Variants in ASTN2 observed in about 807,000 individuals in gnomAD.
ASTN2 encodes astrotactin 2, also known as astrotactin-2.
Under a neutral mutation model 139.8 loss-of-function variants are expected in ASTN2, and 54 were observed. The ratio of observed to expected loss-of-function variants is 0.39; its 90% CI spans 0.31 to 0.48. ASTN2 has a LOEUF of 0.48. Ranked by LOEUF, ASTN2 falls within the 20% of genes least tolerant of loss-of-function variation. The pLI is 0.95. For missense variants in ASTN2, 1,565 were observed against 1,725.1 expected (o/e 0.91, Z 1.64); for synonymous variants, 756 against 719.5 (o/e 1.05, Z -0.81).
At chr9:116,738,052 C>T (rs916278587) in intron 13 of ASTN2, among the ~76,000 whole-genome samples, 2 of 151,272 alleles carry the variant, frequency 1.3e-5, no homozygotes, top group African/African-American at 2.4e-5. Context: ...ATTAGCCGGG[C>T]GTGGTAGCGG....
chr9:117,143,385 G>A (rs570551765), intron 3 of ASTN2, among the ~76,000 whole-genome samples: 6 of 152,242 alleles, frequency 3.9e-5, no homozygotes, highest in East Asian at 3.9e-4. Flanking sequence ...TTTTGATTCC[G>A]TAAACCCAGA....
chr9:116,808,277 T>TTGTGTGTGTG (rs10553571), intron 12 of ASTN2, among the ~76,000 whole-genome samples: 148 of 149,680 alleles, frequency 9.9e-4, no homozygotes, highest in Non-Finnish European at 1.7e-3. Context: ...TAAATACATA[T>TTGTGTGTGTG]TGTGTGTGTG....
chr9:117,335,268 T>C (rs1055811159), intron 1 of ASTN2, among the ~76,000 whole-genome samples: 2 of 152,146 alleles, frequency 1.3e-5, no homozygotes, highest in Admixed American at 6.5e-5. Context: ...GCCTGGAACA[T>C]AGTACACATG....
In ASTN2 at chr9:117,269,232, T is replaced by C. The variant is rs10983594; in HGVS notation, c.630+22094A>G. 4.1e-3 allele frequency among the ~76,000 whole-genome samples: 618 copies of C among 152,250 alleles called. 2 individuals are homozygous for C. Among genetic ancestry groups the C allele is most frequent in the Middle Eastern group, 0.01 (3 of 294 alleles). On this transcript the variant is annotated intron_variant, in intron 2 of 22. Transcript: ENST00000313400. ...CTAGACCACGGAGTGTGGCATGGGG[T>C]GTAATGTATTCACAGTAGCTATGCT...
At chr9:117,033,878 G>A (rs989426223) in intron 6 of ASTN2, among the ~76,000 whole-genome samples, 1 of 152,162 alleles carries the variant, frequency 6.6e-6, no homozygotes, top group Non-Finnish European at 1.5e-5. Context: ...GAAGAACCCT[G>A]TGTAAAGTGC....
chr9:117,306,105 G>C (rs1214554811), intron 1 of ASTN2, among the ~76,000 whole-genome samples: 1 of 152,142 alleles, frequency 6.6e-6, no homozygotes, highest in African/African-American at 2.4e-5. Context: ...AATATCCTCA[G>C]GGTGTCGGAC....
At chr9:117,349,347 T>C (rs1426141047) in intron 1 of ASTN2, among the ~76,000 whole-genome samples, 1 of 152,170 alleles carries the variant, frequency 6.6e-6, no homozygotes, top group East Asian at 1.9e-4. Context: ...TGTGCATGGC[T>C]TGCCTCCCTA....
In ASTN2 at chr9:117,072,447, A is replaced by G. The variant is rs547734611; in HGVS notation, c.1276+23597T>C. On this transcript the variant is annotated intron_variant, in intron 5 of 22. Transcript: ENST00000313400. ...TCAATTTGCAAGTGTTTTGGATGCG[A>G]ACATCTTGCAGTCTGGCACTAGTTA... Among the ~76,000 whole-genome samples the G allele has an allele frequency of 1.2e-4, 18 of 152,356 alleles. No homozygotes were observed. In the South Asian group the frequency reaches 3.5e-3, roughly 30 times the overall value.
intron 16 of ASTN2, chr9:116,700,723 C>T (rs1249665572): frequency 6.0e-6 from 1 of 166,932 alleles, no homozygotes; most frequent in Non-Finnish European, 1.5e-5. Context: ...CTCTATCAAG[C>T]ATTAAATAAT....
chr9:116,574,662 C>T (rs1246676546), intron 19 of ASTN2, among the ~76,000 whole-genome samples: 1 of 152,190 alleles, frequency 6.6e-6, no homozygotes, highest in African/African-American at 2.4e-5. Flanking sequence ...GCCTTTTCTC[C>T]TTTCAATAAG....
intron 20 of ASTN2, among the ~76,000 whole-genome samples, chr9:116,474,916 C>A (rs532183583): frequency 1.1e-3 from 163 of 152,182 alleles, no homozygotes; most frequent in Non-Finnish European, 1.6e-3. Context: ...TGACAAGGAA[C>A]CCTAAAGTAG....
At position 117,008,156 on chromosome 9, in the gene ASTN2, C is replaced by T; in HGVS notation, c.1527G>A (p.Trp509Ter). 1 of 1,611,144 alleles carries T rather than the reference C, an allele frequency of 6.2e-7. No homozygotes were observed. Among genetic ancestry groups the T allele is most frequent in the Non-Finnish European group, 8.5e-7 (1 of 1,178,632 alleles). ...LYYQINATSP[W>*]VRDLCGQRTT... ...TCCTTTGTCCACAGAGGTCCCTCAC[C>T]CATGGGGAGGTGGCATTGATCTGGT... is the stretch of plus-strand genomic sequence containing the variant. Residue 509 changes from tryptophan to a stop codon, truncating the protein, a stop_gained, in exon 7 of 23, where the codon TGG becomes TGA. Coordinates refer to ENST00000313400, the MANE Select transcript of ASTN2 (RefSeq NM_001365068.1). LOFTEE classifies it high-confidence loss of function.
chr9:117,355,016 T>C (rs1352318747), intron 1 of ASTN2, among the ~76,000 whole-genome samples: 1 of 152,246 alleles, frequency 6.6e-6, no homozygotes, highest in Non-Finnish European at 1.5e-5. Flanking sequence ...TTGTCCTGTT[T>C]TTTTTAATCC....
rs1488077940 is a variant in ASTN2 at position 117,399,948 on chromosome 9, T to C, written c.442+14549A>G. Among the ~76,000 whole-genome samples, 3 of 152,248 alleles carry C rather than the reference T, an allele frequency of 2.0e-5. No individual in the cohort carries two copies. In the East Asian group the frequency reaches 5.8e-4, roughly 29 times the overall value. On this transcript the variant is annotated intron_variant, in intron 1 of 22. Coordinates refer to ENST00000313400, the MANE Select transcript of ASTN2 (RefSeq NM_001365068.1). ...AATACAGAAGTGGACAGTGGCAGTA[T>C]GGCCAAACATAATTTCCACTGATTA...
At chr9:117,120,010 G>GTATATATA (rs1167959692) in intron 4 of ASTN2, among the ~76,000 whole-genome samples, 41 of 33,728 alleles carry the variant, frequency 1.2e-3, no homozygotes, top group African/African-American at 3.2e-3. Flanking sequence ...GTGTGTGTGT[G>GTATATATA]TGTGTGTGTA....
chr9:117,183,185 C>T (rs955664373), intron 3 of ASTN2, among the ~76,000 whole-genome samples: 9 of 152,136 alleles, frequency 5.9e-5, no homozygotes, highest in Non-Finnish European at 8.8e-5. Context: ...GTTCAAGTCT[C>T]CAGTCTCAAG....
At chr9:116,582,268 T>C (rs1426759094) in intron 19 of ASTN2, 1 of 152,262 alleles carries the variant, frequency 6.6e-6, no homozygotes, top group Non-Finnish European at 1.5e-5. Context: ...CTAGCAGCTC[T>C]AAGGTTTGTA....
chr9:116,868,377 A>G (rs776576477), intron 10 of ASTN2, among the ~76,000 whole-genome samples: 8 of 152,296 alleles, frequency 5.3e-5, no homozygotes, highest in Admixed American at 1.3e-4. Flanking sequence ...CCTGACCTCA[A>G]GTCCTGAGTT....
At chr9:117,397,202 G>A (rs748853891) in intron 1 of ASTN2, among the ~76,000 whole-genome samples, 24 of 152,068 alleles carry the variant, frequency 1.6e-4, no homozygotes, top group Non-Finnish European at 1.5e-4. Flanking sequence ...GAGCCACAGC[G>A]CCTGGCCCAT....
Sources: allele counts gnomAD v4.1 joint callset (sites outside exome capture counted in the v4.1 genomes callset), GRCh38; gene constraint gnomAD v4.1.1; transcripts MANE v1.5; gene names NCBI Gene and HGNC (gene_info 2026-07-23, HGNC 2026-07-21).